Variants in SIAH3 observed in about 807,000 individuals in gnomAD.
SIAH3 encodes siah E3 ubiquitin protein ligase family member 3, also known as seven in absentia homolog 3.
SIAH3 carries 9 observed loss-of-function variants against 12.6 expected under a neutral mutation model. The ratio of observed to expected loss-of-function variants is 0.72; its 90% CI spans 0.43 to 1.25. The LOEUF is 1.25. SIAH3 is among the 50% of genes most tolerant of loss of function. The pLI is 0.00. For missense variants in SIAH3, 390 were observed against 365.4 expected (o/e 1.07, Z -0.55); for synonymous variants, 154 against 151.1 (o/e 1.02, Z -0.14).
intron 1 of SIAH3, among the ~76,000 whole-genome samples, chr13:45,849,884 A>G (rs2137588683): frequency 6.6e-6 from 1 of 152,338 alleles, no homozygotes; most frequent in South Asian, 2.1e-4. Context: ...TGCCCCAGGG[A>G]ACTAACTAAT....
chr13:45,786,053 A>G (rs1034455651), intron 1 of SIAH3, among the ~76,000 whole-genome samples: 7 of 152,224 alleles, frequency 4.6e-5, no homozygotes, highest in African/African-American at 1.7e-4. Context: ...TTATTAAAAA[A>G]TAAAAATCTG....
At chr13:45,833,408 T>C (rs148016485) in intron 1 of SIAH3, among the ~76,000 whole-genome samples, 1 of 152,106 alleles carries the variant, frequency 6.6e-6, no homozygotes, top group Admixed American at 6.5e-5. Context: ...TTTTTGGTAC[T>C]GACCAGCTGC....
intron 1 of SIAH3, among the ~76,000 whole-genome samples, chr13:45,792,244 G>A (rs1950547892): frequency 6.6e-6 from 1 of 152,256 alleles, no homozygotes. Flanking sequence ...GGGCTCGGGT[G>A]TTAGCTTGCC....
intron 1 of SIAH3, among the ~76,000 whole-genome samples, chr13:45,829,338 C>T (rs1341131086): frequency 6.6e-6 from 1 of 152,182 alleles, no homozygotes; most frequent in Non-Finnish European, 1.5e-5. Flanking sequence ...TGCAGTGGCT[C>T]ACACCTATAA....
At chr13:45,813,483 A>G (rs994304172) in intron 1 of SIAH3, among the ~76,000 whole-genome samples, 3 of 152,214 alleles carry the variant, frequency 2.0e-5, no homozygotes, top group South Asian at 4.1e-4. Context: ...AGAGTCATTC[A>G]TTCTTTCATT....
chr13:45,827,631 G>A (rs1211692160), intron 1 of SIAH3, among the ~76,000 whole-genome samples: 1 of 152,158 alleles, frequency 6.6e-6, no homozygotes, highest in Non-Finnish European at 1.5e-5. Context: ...CAGTATAGGT[G>A]GTTTGCTCCC....
At chr13:45,785,722 C>G (rs376988923) in intron 1 of SIAH3, among the ~76,000 whole-genome samples, 1 of 152,164 alleles carries the variant, frequency 6.6e-6, no homozygotes, top group African/African-American at 2.4e-5. Flanking sequence ...CTCATTCTTC[C>G]CCCAGAAGTG....
intron 1 of SIAH3, among the ~76,000 whole-genome samples, chr13:45,792,966 T>C (rs1041439579): frequency 6.6e-6 from 1 of 151,304 alleles, no homozygotes; most frequent in African/African-American, 2.5e-5. Context: ...ATATCCGTAA[T>C]TGGCAAGTGA....
chr13:45,829,648 T>C (rs894040343), intron 1 of SIAH3, among the ~76,000 whole-genome samples: 1 of 152,182 alleles, frequency 6.6e-6, no homozygotes, highest in Non-Finnish European at 1.5e-5. Context: ...GAAGGTTGTC[T>C]CATGCCACTT....
chr13:45,796,865 G>A lies in SIAH3; in HGVS notation c.136-12808C>T, dbSNP rs183229186. ...CAAGTAAATCCCCTTAAGCGAGGTG[G>A]GGGCAGGTGTTTTATTGACTCTAAA... On this transcript the variant is annotated intron_variant, in intron 1 of 1. Coordinates refer to ENST00000400405, the MANE Select transcript of SIAH3 (RefSeq NM_198849.3). 5.6e-4 allele frequency among the ~76,000 whole-genome samples: 86 copies of A among 152,294 alleles called. No individual in the cohort carries two copies. In the Middle Eastern group the frequency reaches 0.014, roughly 24 times the overall value.
chr13:45,802,065 GGGA>G (rs1255518900), intron 1 of SIAH3, among the ~76,000 whole-genome samples: 1 of 152,206 alleles, frequency 6.6e-6, no homozygotes, highest in East Asian at 1.9e-4. Flanking sequence ...CCAGCACTTT[GGGA>G]GGCTGAAGCG....
chr13:45,789,021 C>G (rs1455585630), intron 1 of SIAH3, among the ~76,000 whole-genome samples: 1 of 152,152 alleles, frequency 6.6e-6, no homozygotes, highest in African/African-American at 2.4e-5. Flanking sequence ...AAGTCTAGGT[C>G]TGAGCCAAGT....
intron 1 of SIAH3, among the ~76,000 whole-genome samples, chr13:45,793,059 T>C (rs1950551348): frequency 6.6e-6 from 1 of 152,232 alleles, no homozygotes; most frequent in Admixed American, 6.5e-5. Flanking sequence ...TTCTTTAGGA[T>C]GACTTTAGAA....
At chr13:45,787,674 T>C (rs556210281) in intron 1 of SIAH3, among the ~76,000 whole-genome samples, 2 of 152,330 alleles carry the variant, frequency 1.3e-5, no homozygotes, top group African/African-American at 4.8e-5. Flanking sequence ...AGAGGGAATC[T>C]GGTGGAGATG....
Position 45,783,820 on chromosome 13 carries a change from G to C in SIAH3, c.373C>G (p.Pro125Ala), listed in dbSNP as rs200803310. ...ACCCTATGGATCTGCCGCAGGTGGG[G>C]CACCACCACCTCCAGGCGGCCTTCC... is the stretch of plus-strand genomic sequence containing the variant. ...QWEGRLEVVV[P>A]HLRQIHRVDI... is the part of the protein sequence containing the mutation. Residue 125 changes from proline to alanine, a missense_variant, in exon 2 of 2, where the codon CCC becomes GCC. Coordinates refer to ENST00000400405, the MANE Select transcript of SIAH3 (RefSeq NM_198849.3). 1 of 1,614,200 alleles carries C rather than the reference G, an allele frequency of 6.2e-7. No individual in the cohort carries two copies.
intron 1 of SIAH3, among the ~76,000 whole-genome samples, chr13:45,794,741 C>T (rs1396216959): frequency 6.6e-6 from 1 of 152,108 alleles, no homozygotes; most frequent in Non-Finnish European, 1.5e-5. Context: ...GTCCATTAAG[C>T]CTCTTTTTCT....
intron 1 of SIAH3, among the ~76,000 whole-genome samples, chr13:45,792,154 G>T (rs1461263772): frequency 6.6e-6 from 1 of 152,134 alleles, no homozygotes; most frequent in African/African-American, 2.4e-5. Context: ...CCATCTTCTG[G>T]AAGGCAGACC....
chr13:45,838,912 C>T (rs1276573820), intron 1 of SIAH3, among the ~76,000 whole-genome samples: 2 of 151,998 alleles, frequency 1.3e-5, no homozygotes, highest in Non-Finnish European at 2.9e-5. Flanking sequence ...CCACCTCTCA[C>T]CCTGATGCCT....
intron 1 of SIAH3, among the ~76,000 whole-genome samples, chr13:45,836,283 A>G (rs1950717397): frequency 6.6e-6 from 1 of 152,254 alleles, no homozygotes; most frequent in African/African-American, 2.4e-5. Context: ...CACTGTTTAC[A>G]ATAGCAAAGA....
Sources: gnomAD v4.1 joint callset for allele counts (sites outside exome capture counted in the v4.1 genomes callset) on GRCh38, gnomAD v4.1.1 for gene constraint, MANE v1.5 for transcripts, NCBI Gene and HGNC (gene_info 2026-07-23, HGNC 2026-07-21) for gene names.